Variants in PCNX1 observed in about 807,000 individuals in gnomAD.
PCNX1 encodes the protein pecanex 1.
A neutral mutation model predicts 242.2 loss-of-function variants in PCNX1; 78 were observed. The observed-to-expected ratio is 0.32, with a 90% CI of 0.27 to 0.39. The LOEUF is 0.39. PCNX1 is among the 10% of genes least tolerant of loss of function. The pLI is 1.00. For missense variants in PCNX1, 2,581 were observed against 2,856.5 expected (o/e 0.90, Z 2.20); for synonymous variants, 1,024 against 1,032.9 (o/e 0.99, Z 0.17).
At chr14:70,976,861 A>G in intron 5 of PCNX1, 81 bp from the exon 6 acceptor site, 3 of 1,164,054 alleles carry the variant, frequency 2.6e-6, no homozygotes, top group Non-Finnish European at 3.7e-6. Flanking sequence ...TACTGTATGC[A>G]GTGAATTCTT....
chr14:71,070,471 T>G (rs1002441066), intron 26 of PCNX1, among the ~76,000 whole-genome samples: 1 of 152,248 alleles, frequency 6.6e-6, no homozygotes, highest in Non-Finnish European at 1.5e-5. Context: ...GTAATAAGAC[T>G]TGACAGTTGC....
At chr14:71,062,720 A>C (rs1373256291) in intron 26 of PCNX1, among the ~76,000 whole-genome samples, 1 of 152,186 alleles carries the variant, frequency 6.6e-6, no homozygotes, top group East Asian at 1.9e-4. Context: ...AGTGTTTATA[A>C]AGTCTACAGT....
intron 24 of PCNX1, among the ~76,000 whole-genome samples, chr14:71,053,860 A>G (rs1260208666): frequency 6.6e-6 from 1 of 152,204 alleles, no homozygotes; most frequent in African/African-American, 2.4e-5. Context: ...ATAGTTTTGC[A>G]AATCTCTTAA....
At chr14:70,929,625 A>T (rs1666557221) in intron 1 of PCNX1, among the ~76,000 whole-genome samples, 1 of 152,230 alleles carries the variant, frequency 6.6e-6, no homozygotes, top group Non-Finnish European at 1.5e-5. Context: ...ATATGTACTT[A>T]TGTGATGAGT....
chr14:71,057,852 T>C, intron 26 of PCNX1, 128 bp downstream of exon 26: 1 of 703,694 alleles, frequency 1.4e-6, no homozygotes. Context: ...AGAAAAGTTG[T>C]TAAAGAGTAA....
At chr14:70,949,687 G>A (rs559330842) in intron 2 of PCNX1, among the ~76,000 whole-genome samples, 1 of 152,224 alleles carries the variant, frequency 6.6e-6, no homozygotes, top group Non-Finnish European at 1.5e-5. Flanking sequence ...TCCCATCCCA[G>A]CTGAAGTGAT....
At chr14:71,098,547 T>TGAGA (rs528643008) in intron 30 of PCNX1, among the ~76,000 whole-genome samples, 24,260 of 123,174 alleles carry the variant, frequency 0.2, 2,181 homozygotes, top group Middle Eastern at 0.27. Flanking sequence ...TGTGTGTGTG[T>TGAGA]GTGTGTGAGA....
chr14:70,931,386 AT>A (rs2056793583), intron 1 of PCNX1, among the ~76,000 whole-genome samples: 1 of 152,136 alleles, frequency 6.6e-6, no homozygotes. Flanking sequence ...CAGCCATAGG[AT>A]GGACTGATTT....
rs376719811 is a variant in PCNX1 at position 71,045,032 on chromosome 14, C to T, written c.3868-101C>T. The T allele has an allele frequency of 2.1e-4, 160 of 746,392 alleles. 1 individual carries two copies. The highest frequency in any genetic ancestry group is 2.1e-3 in the African/African-American group (118 of 55,502). 46.2% of individuals were successfully genotyped at this position (746,392 alleles called of 1,614,324 possible). A position where few individuals can be genotyped will look rare whatever the true frequency, so the allele number is the denominator to read the frequency against. ...TTTAGTTCTTATATTCTAAAATGGA[C>T]GTTGTCCATTATCAGATGGAAAATT... On this transcript the variant is annotated intron_variant, in intron 19 of 35. Coordinates refer to ENST00000304743, the MANE Select transcript of PCNX1 (RefSeq NM_014982.3).
Position 70,946,576 on chromosome 14 carries a change from A to G in PCNX1, c.154-339A>G, listed in dbSNP as rs922136957. On this transcript the variant is annotated intron_variant, in intron 1 of 35. Coordinates refer to ENST00000304743, the MANE Select transcript of PCNX1 (RefSeq NM_014982.3). ...GAAACACATGAAATTAATTTTAATA[A>G]TGTTTTATTTGACCAGTATAATCTA... is the stretch of plus-strand genomic sequence containing the variant. 3.9e-5 allele frequency among the ~76,000 whole-genome samples: 6 copies of G among 152,234 alleles called. No homozygotes were observed. The East Asian group carries it at 7.7e-4, about 20-fold the overall frequency.
chr14:71,066,447 G>T (rs983923722), intron 26 of PCNX1, among the ~76,000 whole-genome samples: 1 of 152,092 alleles, frequency 6.6e-6, no homozygotes, highest in Admixed American at 6.5e-5. Context: ...TGTGATTTTT[G>T]CACATTGATC....
chr14:70,957,849 G>T (rs939603292), intron 2 of PCNX1, among the ~76,000 whole-genome samples: 29 of 152,086 alleles, frequency 1.9e-4, no homozygotes, highest in Admixed American at 7.9e-4. Context: ...TATATAGAGA[G>T]AGAGAGAGAG....
At chr14:71,025,937 A>G (rs1228538765) in intron 13 of PCNX1, among the ~76,000 whole-genome samples, 180 bp from the exon 14 acceptor site, 1 of 152,162 alleles carries the variant, frequency 6.6e-6, no homozygotes, top group East Asian at 1.9e-4. Flanking sequence ...CCAGTATCTC[A>G]GAGTTCATTC....
In PCNX1 at chr14:71,026,277, A is replaced by T. The variant is rs770676369; in HGVS notation, c.3344A>T (p.Asp1115Val). ...TNPLVFISARDLVIVFTLCFP... is the reference protein window; with the variant it reads ...TNPLVFISARVLVIVFTLCFP... Reference sequence around the variant, plus strand: ...CCACTGGTGTTTATATCAGCCAGGGATTTAGTTATAGGTGAGTCATCTTAA... The same window carrying T: ...CCACTGGTGTTTATATCAGCCAGGGTTTTAGTTATAGGTGAGTCATCTTAA... Residue 1115 changes from aspartate to valine, a missense_variant, in exon 14 of 36, where the codon GAT (aspartate) becomes GTT (valine). By Grantham distance (152) the Asp-to-Val change is radical (BLOSUM62 -3). Around this residue, in one of 9 missense-constraint regions of PCNX1, gnomAD observed 432 missense variants for 443.1 expected, o/e 0.97. Transcript: ENST00000304743. The T allele has an allele frequency of 1.1e-5, 17 of 1,597,568 alleles. No individual in the cohort carries two copies. Among genetic ancestry groups the T allele is most frequent in the Non-Finnish European group, 1.5e-5 (17 of 1,170,074 alleles).
At chr14:70,967,194 A>C (rs2810098) in intron 3 of PCNX1, among the ~76,000 whole-genome samples, 25 of 152,030 alleles carry the variant, frequency 1.6e-4, no homozygotes, top group Non-Finnish European at 3.1e-4. Flanking sequence ...TTGCCATCCA[A>C]ATCAAGAAAG....
intron 10 of PCNX1, chr14:71,012,140 A>AAAACAAAC (rs66757265): frequency 6.6e-6 from 1 of 152,458 alleles, no homozygotes; most frequent in Non-Finnish European, 1.5e-5. Context: ...GCAGCTTGCC[A>AAAACAAAC]AAACAAACAA....
chr14:70,983,035 C>A (rs945289635), intron 6 of PCNX1, among the ~76,000 whole-genome samples: 1 of 152,180 alleles, frequency 6.6e-6, no homozygotes, highest in South Asian at 2.1e-4. Flanking sequence ...TGATGTCTTT[C>A]ATTTGTAAGG....
intron 8 of PCNX1, among the ~76,000 whole-genome samples, chr14:70,998,959 C>G (rs1358099966): frequency 6.6e-6 from 1 of 151,910 alleles, no homozygotes; most frequent in Non-Finnish European, 1.5e-5. Flanking sequence ...ATTTTAAAGA[C>G]CACATATTAA....
At chr14:70,931,037 C>T (rs987175226) in intron 1 of PCNX1, among the ~76,000 whole-genome samples, 5 of 151,984 alleles carry the variant, frequency 3.3e-5, no homozygotes, top group Non-Finnish European at 5.9e-5. Flanking sequence ...CTTTCTGATC[C>T]CTCTTAATTA....
Sources: allele counts gnomAD v4.1 joint callset (sites outside exome capture counted in the v4.1 genomes callset), GRCh38; gene constraint gnomAD v4.1.1; regional missense constraint gnomAD v4.1.1; transcripts MANE v1.5; gene names NCBI Gene and HGNC (gene_info 2026-07-23, HGNC 2026-07-21).